Variants in PPP3CA observed in about 807,000 individuals in gnomAD.
The protein encoded by PPP3CA is protein phosphatase 3 catalytic subunit alpha.
Under a neutral mutation model 66.5 loss-of-function variants are expected in PPP3CA, and 14 were observed. The ratio of observed to expected loss-of-function variants is 0.21; its 90% CI spans 0.14 to 0.33. The LOEUF is 0.33. Ranked by LOEUF, PPP3CA falls within the 10% of genes least tolerant of loss-of-function variation. The pLI is 1.00. For synonymous variants in PPP3CA, 232 were observed against 226.2 expected (o/e 1.03, Z -0.23); for missense variants, 317 against 639.5 (o/e 0.50, Z 5.44).
At chr4:101,190,329 C>G (rs1441677832) in intron 2 of PPP3CA, among the ~76,000 whole-genome samples, 2 of 152,054 alleles carry the variant, frequency 1.3e-5, no homozygotes, top group African/African-American at 4.8e-5. Context: ...ACAGGCATTG[C>G]TTTACCAAAG....
rs187922152 is a variant in PPP3CA, at chr4:101,206,964, G to A, written c.59-10848C>T. Among the ~76,000 whole-genome samples, 11 of 152,248 alleles carry A rather than the reference G, an allele frequency of 7.2e-5. No individual in the cohort carries two copies. In the East Asian group the frequency reaches 2.1e-3, roughly 29 times the overall value. On this transcript the variant is annotated intron_variant, in intron 1 of 13. Transcript: ENST00000394854. ...TACCATGGATGCCACATGGTGTGGG[G>A]GAAGCTGGCGGCCCATATCAAAGAG...
intron 1 of PPP3CA, among the ~76,000 whole-genome samples, chr4:101,248,136 GC>G: frequency 6.6e-6 from 1 of 152,188 alleles, no homozygotes; most frequent in Non-Finnish European, 1.5e-5. Flanking sequence ...ACCTCTTTTG[GC>G]CCTTCCAAAA....
intron 1 of PPP3CA, among the ~76,000 whole-genome samples, chr4:101,282,149 A>C: frequency 6.6e-6 from 1 of 152,174 alleles, no homozygotes; most frequent in Non-Finnish European, 1.5e-5. Context: ...CCACTACCAA[A>C]ATCATTTTAA....
chr4:101,343,169 C>A (rs1038541877), intron 1 of PPP3CA, among the ~76,000 whole-genome samples: 5 of 152,092 alleles, frequency 3.3e-5, no homozygotes. Flanking sequence ...CCATTACCAT[C>A]GGTTTGAGTT....
intron 2 of PPP3CA, among the ~76,000 whole-genome samples, chr4:101,167,808 A>C (rs1333457394): frequency 6.6e-6 from 1 of 152,190 alleles, no homozygotes; most frequent in Non-Finnish European, 1.5e-5. Flanking sequence ...ACTACAGAAC[A>C]TGTGTGAGAA....
chr4:101,214,192 G>T (rs67445056), intron 1 of PPP3CA, among the ~76,000 whole-genome samples: 16,780 of 152,120 alleles, frequency 0.11, 1,341 homozygotes, highest in East Asian at 0.31. Context: ...CTTGCCCCAA[G>T]GCTCTAAGAC....
At chr4:101,188,545 A>C (rs1473457856) in intron 2 of PPP3CA, among the ~76,000 whole-genome samples, 1 of 152,178 alleles carries the variant, frequency 6.6e-6, no homozygotes, top group Admixed American at 6.6e-5. Flanking sequence ...AACGCGATCT[A>C]AAAATGTAAC....
intron 2 of PPP3CA, among the ~76,000 whole-genome samples, chr4:101,122,777 T>G (rs1297531036): frequency 6.6e-6 from 1 of 152,172 alleles, no homozygotes; most frequent in African/African-American, 2.4e-5. Context: ...AATTCCAGCA[T>G]AAGGTATTTC....
intron 1 of PPP3CA, among the ~76,000 whole-genome samples, chr4:101,215,963 C>A (rs547906678): frequency 9.3e-4 from 141 of 152,212 alleles, no homozygotes; most frequent in Middle Eastern, 3.4e-3. Context: ...AAGACATATT[C>A]AGTAGATGAC....
chr4:101,303,071 T>C (rs1266471280), intron 1 of PPP3CA, among the ~76,000 whole-genome samples: 1 of 152,198 alleles, frequency 6.6e-6, no homozygotes, highest in East Asian at 1.9e-4. Context: ...CAAAAAGAGA[T>C]TCAATCTCCA....
chr4:101,113,770 T>C (rs946529086), intron 2 of PPP3CA, among the ~76,000 whole-genome samples: 4 of 152,114 alleles, frequency 2.6e-5, no homozygotes, highest in Non-Finnish European at 5.9e-5. Flanking sequence ...TGCCTGGCTA[T>C]AATATTCACT....
chr4:101,169,479 C>A (rs1244141402), intron 2 of PPP3CA, among the ~76,000 whole-genome samples: 3 of 152,234 alleles, frequency 2.0e-5, no homozygotes, highest in African/African-American at 7.2e-5. Context: ...CCTGTGGCAA[C>A]CCTGGGGAGC....
chr4:101,200,415 T>C (rs954588093), intron 1 of PPP3CA, among the ~76,000 whole-genome samples: 2 of 152,118 alleles, frequency 1.3e-5, no homozygotes, highest in African/African-American at 4.8e-5. Flanking sequence ...TATCAATCAG[T>C]AGATCTCAAT....
intron 11 of PPP3CA, among the ~76,000 whole-genome samples, chr4:101,040,275 CAG>C (rs756341431): frequency 9.9e-5 from 15 of 152,052 alleles, no homozygotes; most frequent in Non-Finnish European, 2.2e-4. Flanking sequence ...ACTTTCTTAA[CAG>C]AAATAATTTA....
intron 2 of PPP3CA, among the ~76,000 whole-genome samples, chr4:101,170,382 C>T (rs765129769): frequency 1.3e-5 from 2 of 152,050 alleles, no homozygotes; most frequent in Non-Finnish European, 2.9e-5. Flanking sequence ...ACCCTCAAGG[C>T]TATAATTTTT....
chr4:101,255,505 A>C (rs1726812200), intron 1 of PPP3CA, among the ~76,000 whole-genome samples: 1 of 151,902 alleles, frequency 6.6e-6, no homozygotes, highest in African/African-American at 2.4e-5. Flanking sequence ...GGGCAACAAC[A>C]GAGATAGAAA....
intron 8 of PPP3CA, among the ~76,000 whole-genome samples, chr4:101,070,601 T>G (rs1406586570): frequency 6.6e-6 from 1 of 152,194 alleles, no homozygotes; most frequent in Admixed American, 6.5e-5. Context: ...ATAATCCAAT[T>G]GCTGAGAATG....
At chr4:101,106,490 G>T (rs945058772) in intron 3 of PPP3CA, among the ~76,000 whole-genome samples, 3 of 61,592 alleles carry the variant, frequency 4.9e-5, no homozygotes, top group South Asian at 8.4e-4. Flanking sequence ...GAAAAGAAAA[G>T]AAAAGAAAAG....
intron 1 of PPP3CA, among the ~76,000 whole-genome samples, chr4:101,343,425 G>A (rs1380294138): frequency 2.0e-5 from 3 of 152,160 alleles, no homozygotes; most frequent in Non-Finnish European, 4.4e-5. Flanking sequence ...GTATCACTAA[G>A]AGAAAAATCA....
Sources: allele counts gnomAD v4.1 joint callset (sites outside exome capture counted in the v4.1 genomes callset), GRCh38; gene constraint gnomAD v4.1.1; transcripts MANE v1.5; gene names NCBI Gene and HGNC (gene_info 2026-07-23, HGNC 2026-07-21).